Variants in FSTL5 observed in about 807,000 individuals in gnomAD.
FSTL5 encodes the protein follistatin-related protein 5.
Under a neutral mutation model 89.1 loss-of-function variants are expected in FSTL5, and 62 were observed. That is an observed-to-expected ratio of 0.70 (90% CI 0.57 to 0.86). The LOEUF (loss-of-function observed/expected upper bound fraction) is 0.86, where lower values mean the gene tolerates loss of function less well. Ranked by LOEUF, FSTL5 falls within the 40% of genes least tolerant of loss-of-function variation. FSTL5 has a pLI of 0.00. For synonymous variants in FSTL5, 383 were observed against 346.2 expected (o/e 1.11, Z -1.18); for missense variants, 1,057 against 1,001.6 (o/e 1.06, Z -0.75).
intron 3 of FSTL5, among the ~76,000 whole-genome samples, chr4:161,924,394 T>C (rs1236300432): frequency 2.0e-5 from 3 of 150,898 alleles, no homozygotes; most frequent in African/African-American, 7.3e-5. Context: ...TCTATATGTA[T>C]ATCTAATATA....
intron 6 of FSTL5, among the ~76,000 whole-genome samples, chr4:161,740,601 T>C (rs910828559): frequency 6.6e-6 from 1 of 152,350 alleles, no homozygotes. Context: ...TTATTTATGC[T>C]ATATCACATT....
In FSTL5 at chr4:161,759,519, C is replaced by A; in HGVS notation, c.619G>T (p.Glu207Ter). Residue 207 changes from glutamate (E) to a stop codon, truncating the protein, a stop_gained, in exon 6 of 16, where the codon GAA becomes TAA. Coordinates refer to ENST00000306100, the MANE Select transcript of FSTL5 (RefSeq NM_020116.5). LOFTEE classifies it high-confidence loss of function. ...INELTQVIKQ[E>*]ELGKDLFDCT... ...TCAAAGAGATCCTTGCCAAGTTCTT[C>A]CTGTTTTATCACCTAACAAGAAAAT... is the stretch of plus-strand genomic sequence containing the variant. 6.4e-7 allele frequency: 1 copy of A among 1,552,716 alleles called. No homozygotes were observed. Among genetic ancestry groups the A allele is most frequent in the South Asian group, 1.2e-5 (1 of 80,140 alleles).
chr4:162,004,319 C>T (rs1736550498), intron 3 of FSTL5, among the ~76,000 whole-genome samples: 1 of 152,124 alleles, frequency 6.6e-6, no homozygotes, highest in African/African-American at 2.4e-5. Context: ...TTATTACAAC[C>T]AATCCATTAC....
chr4:161,872,131 T>TTTTTG lies in FSTL5; in HGVS notation c.409+48272_409+48273insCAAAA, dbSNP rs1367760416. ...ATCTGGCTAGGCTTTGTAGTTTGTT[T>TTTTTG]TTTTTTTTGGTTTTTTTTTTTTTTT... On this transcript the variant is annotated intron_variant, in intron 4 of 15. Transcript: ENST00000306100. Among the ~76,000 whole-genome samples, 295 of 37,950 alleles carry TTTTTG rather than the reference T, an allele frequency of 7.8e-3. 2 individuals carry two copies. Among genetic ancestry groups the TTTTTG allele is most frequent in the Admixed American group, 0.012 (32 of 2,612 alleles). The allele number at this position is 37,950 out of a possible 152,430, so 24.9% of individuals were successfully genotyped here.
chr4:162,007,823 A>G (rs1736654031), intron 3 of FSTL5, among the ~76,000 whole-genome samples: 1 of 151,922 alleles, frequency 6.6e-6, no homozygotes, highest in South Asian at 2.1e-4. Flanking sequence ...GGGCATAAAT[A>G]TTATGAAATG....
intron 4 of FSTL5, among the ~76,000 whole-genome samples, chr4:161,852,777 A>C (rs1731595373): frequency 6.6e-6 from 1 of 152,204 alleles, no homozygotes; most frequent in African/African-American, 2.4e-5. Context: ...AATACTATGC[A>C]GCCATAAAAA....
In FSTL5 at chr4:161,804,515, A is replaced by G. The variant is rs562496162; in HGVS notation, c.410-28441T>C. ...GTTAAACAATTTCCTATATGATCAA[A>G]TATGTTCTGTACAACCACTGTTTTT... On this transcript the variant is annotated intron_variant, in intron 4 of 15. Transcript: ENST00000306100. 4.0e-5 allele frequency among the ~76,000 whole-genome samples: 5 copies of G among 123,678 alleles called. No individual in the cohort carries two copies. In the East Asian group the frequency reaches 9.7e-4, roughly 24 times the overall value. 81.1% of individuals were successfully genotyped at this position (123,678 alleles called of 152,430 possible).
In FSTL5 at chr4:162,044,576, T is replaced by C. The variant is rs1478183189; in HGVS notation, c.127-10918A>G. Among the ~76,000 whole-genome samples, 3 of 152,170 alleles carry C rather than the reference T, an allele frequency of 2.0e-5. 1 individual carries two copies. The highest frequency in any genetic ancestry group is 1.5e-5 in the Non-Finnish European group (1 of 68,014). On this transcript the variant is annotated intron_variant, in intron 2 of 15. Coordinates refer to ENST00000306100, the MANE Select transcript of FSTL5 (RefSeq NM_020116.5). ...TTAGCCCCTAACAAGAGAGTGAACC[T>C]GTCCTTTCAAGGTTTGAAGTCAGAC...
intron 2 of FSTL5, among the ~76,000 whole-genome samples, chr4:162,057,790 A>G (rs1242346917): frequency 6.6e-6 from 1 of 152,032 alleles, no homozygotes; most frequent in Non-Finnish European, 1.5e-5. Context: ...TTAAAAATAC[A>G]AAAATTAGTC....
chr4:161,457,031 G>A (rs1302952148), intron 14 of FSTL5, among the ~76,000 whole-genome samples: 1 of 152,106 alleles, frequency 6.6e-6, no homozygotes, highest in Non-Finnish European at 1.5e-5. Context: ...CAACTGTGCT[G>A]AACATTCAGG....
chr4:162,071,460 T>C (rs1463333364), intron 2 of FSTL5, among the ~76,000 whole-genome samples: 2 of 151,698 alleles, frequency 1.3e-5, no homozygotes, highest in African/African-American at 2.4e-5. Context: ...TTCAAATATA[T>C]ATGCACTCAA....
At chr4:161,969,637 G>A (rs897993801) in intron 3 of FSTL5, among the ~76,000 whole-genome samples, 2 of 152,086 alleles carry the variant, frequency 1.3e-5, no homozygotes, top group African/African-American at 4.8e-5. Flanking sequence ...GTATTCCACT[G>A]GATATGAAAT....
chr4:161,624,222 A>T (rs1192147253), intron 7 of FSTL5, among the ~76,000 whole-genome samples: 9 of 152,110 alleles, frequency 5.9e-5, no homozygotes, highest in Admixed American at 3.9e-4. Flanking sequence ...CTGACCTAAC[A>T]TCCCTTTATT....
chr4:162,066,299 T>TTTCTTCTTCTTCTTCTTCTTCTTTC (rs1561000307), intron 2 of FSTL5, among the ~76,000 whole-genome samples: 20 of 70,118 alleles, frequency 2.9e-4, no homozygotes, highest in African/African-American at 6.4e-4. Context: ...TCCTCCTACT[T>TTTCTTCTTCTTCTTCTTCTTCTTTC]TTCTTCTTCT....
Position 161,794,201 on chromosome 4 carries a change from T to C in FSTL5, c.410-18127A>G, listed in dbSNP as rs556556577. Among the ~76,000 whole-genome samples, 3 of 152,260 alleles carry C rather than the reference T, an allele frequency of 2.0e-5. No individual in the cohort carries two copies. The East Asian group carries it at 5.8e-4, about 29-fold the overall frequency. On this transcript the variant is annotated intron_variant, in intron 4 of 15. Transcript: ENST00000306100. ...TTCCCAGCAATGCTGATTTAATTAA[T>C]CTGTGGGTGGGGCCTGGGCATCAGT...
intron 3 of FSTL5, among the ~76,000 whole-genome samples, chr4:162,012,356 G>C (rs1330723052): frequency 6.6e-6 from 1 of 152,036 alleles, no homozygotes; most frequent in Non-Finnish European, 1.5e-5. Flanking sequence ...TATTCCAACT[G>C]TTCAGGTTAT....
At chr4:162,016,572 T>C (rs1736922042) in intron 3 of FSTL5, among the ~76,000 whole-genome samples, 1 of 152,168 alleles carries the variant, frequency 6.6e-6, no homozygotes, top group African/African-American at 2.4e-5. Flanking sequence ...GAGTTTTAAT[T>C]CCTTTGGACT....
At chr4:161,822,864 G>A (rs1730534857) in intron 4 of FSTL5, among the ~76,000 whole-genome samples, 1 of 152,182 alleles carries the variant, frequency 6.6e-6, no homozygotes, top group Admixed American at 6.5e-5. Flanking sequence ...GCTCTCAGGA[G>A]TCCCAAGGTG....
intron 7 of FSTL5, among the ~76,000 whole-genome samples, chr4:161,622,535 G>C (rs556186488): frequency 6.6e-6 from 1 of 151,584 alleles, no homozygotes; most frequent in South Asian, 2.1e-4. Context: ...AAATAAATAT[G>C]TATTTATTTA....
Sources: gnomAD v4.1 joint callset for allele counts (sites outside exome capture counted in the v4.1 genomes callset) on GRCh38, gnomAD v4.1.1 for gene constraint, MANE v1.5 for transcripts, NCBI Gene and HGNC (gene_info 2026-07-23, HGNC 2026-07-21) for gene names.